NEGR1: variants seen among roughly 807,000 people sequenced by gnomAD.
NEGR1 encodes IgLON family member 4.
A neutral mutation model predicts 40.9 loss-of-function variants in NEGR1; 10 were observed. That is an observed-to-expected ratio of 0.24 (90% CI 0.15 to 0.42). NEGR1 has a LOEUF of 0.42. NEGR1 is among the 10% of genes least tolerant of loss of function. The probability of loss-of-function intolerance (pLI) is 1.00; values close to 1 mark genes in which losing one functional copy is unlikely to be tolerated. For synonymous variants in NEGR1, 185 were observed against 166.8 expected, an observed-to-expected ratio of 1.11 and a Z score of -0.84; for missense variants, 352 against 438.9, an observed-to-expected ratio of 0.80 and a Z score of 1.77.
intron 6 of NEGR1, among the ~76,000 whole-genome samples, chr1:71,582,302 T>C (rs1420407428): frequency 6.6e-6 from 1 of 152,164 alleles, no homozygotes; most frequent in Admixed American, 6.5e-5. Flanking sequence ...CAGAAAAGCA[T>C]CTTGTAATGT....
intron 1 of NEGR1, among the ~76,000 whole-genome samples, chr1:72,079,461 T>A (rs1479391321): frequency 3.3e-5 from 5 of 152,012 alleles, no homozygotes; most frequent in Non-Finnish European, 7.4e-5. Context: ...TTTTTAAAAA[T>A]AGAAAGCAGT....
At chr1:71,414,961 G>T (rs1243362675) in intron 6 of NEGR1, among the ~76,000 whole-genome samples, 1 of 152,164 alleles carries the variant, frequency 6.6e-6, no homozygotes, top group Non-Finnish European at 1.5e-5. Context: ...TTTAGGGAAA[G>T]AATGTAAAAA....
At chr1:71,728,651 T>C (rs1375089793) in intron 3 of NEGR1, among the ~76,000 whole-genome samples, 4 of 152,192 alleles carry the variant, frequency 2.6e-5, no homozygotes, top group Non-Finnish European at 5.9e-5. Flanking sequence ...TTTTAGACAA[T>C]TTTCATAAGC....
At chr1:71,746,942 T>C (rs1366872556) in intron 3 of NEGR1, among the ~76,000 whole-genome samples, 5 of 152,224 alleles carry the variant, frequency 3.3e-5, no homozygotes, top group African/African-American at 1.2e-4. Flanking sequence ...GTCTCAATTA[T>C]GTAAAAAGCT....
At chr1:71,703,948 A>C (rs1026474452) in intron 3 of NEGR1, among the ~76,000 whole-genome samples, 1 of 152,028 alleles carries the variant, frequency 6.6e-6, no homozygotes, top group African/African-American at 2.4e-5. Flanking sequence ...TAAGAGGTTA[A>C]TCATGTCAAA....
intron 1 of NEGR1, among the ~76,000 whole-genome samples, chr1:72,105,480 G>A (rs1241559919): frequency 6.6e-6 from 1 of 151,960 alleles, no homozygotes. Context: ...GAGGCAGGAG[G>A]ATTGCTTGGG....
chr1:72,077,278 A>G (rs1323623758), intron 1 of NEGR1, among the ~76,000 whole-genome samples: 3 of 152,070 alleles, frequency 2.0e-5, no homozygotes, highest in Non-Finnish European at 4.4e-5. Context: ...GATGTCATCA[A>G]TGTGTTGAAG....
chr1:71,988,464 G>A (rs981545535), intron 1 of NEGR1, among the ~76,000 whole-genome samples: 2 of 148,218 alleles, frequency 1.3e-5, no homozygotes, highest in Admixed American at 6.7e-5. Flanking sequence ...GCGTGAACCC[G>A]GGAAGCGGAG....
chr1:72,162,233 C>G (rs192278688), intron 1 of NEGR1, among the ~76,000 whole-genome samples: 1 of 151,574 alleles, frequency 6.6e-6, no homozygotes, highest in African/African-American at 2.4e-5. Flanking sequence ...GGGTGGATCA[C>G]CTGAGGTCAG....
chr1:71,646,592 G>A (rs923400537), intron 4 of NEGR1, among the ~76,000 whole-genome samples: 4 of 151,810 alleles, frequency 2.6e-5, no homozygotes, highest in African/African-American at 9.7e-5. Flanking sequence ...AAGACAATCT[G>A]TTTGAGGAAT....
intron 2 of NEGR1, among the ~76,000 whole-genome samples, chr1:71,895,015 G>C (rs914057249): frequency 6.6e-6 from 1 of 151,984 alleles, no homozygotes; most frequent in Non-Finnish European, 1.5e-5. Context: ...ATATCTATAA[G>C]CAGTCTGTAG....
intron 6 of NEGR1, among the ~76,000 whole-genome samples, chr1:71,474,717 C>CAAAAAAAAAAAA (rs56219737): frequency 1.3e-3 from 112 of 85,764 alleles, no homozygotes; most frequent in Non-Finnish European, 1.5e-3. Context: ...GACTCTATCT[C>CAAAAAAAAAAAA]AAAAAAAAAA....
At chr1:72,031,463 T>C (rs1028401715) in intron 1 of NEGR1, among the ~76,000 whole-genome samples, 6 of 152,142 alleles carry the variant, frequency 3.9e-5, no homozygotes, top group African/African-American at 1.4e-4. Context: ...ATCTTAAACA[T>C]CATCATCGTA....
chr1:71,894,535 T>G (rs1451800035), intron 2 of NEGR1, among the ~76,000 whole-genome samples: 1 of 152,210 alleles, frequency 6.6e-6, no homozygotes, highest in Non-Finnish European at 1.5e-5. Context: ...TTTCCCCATT[T>G]GACAGATAAG....
At chr1:72,250,940 A>G (rs1019992451) in intron 1 of NEGR1, among the ~76,000 whole-genome samples, 1 of 152,210 alleles carries the variant, frequency 6.6e-6, no homozygotes, top group Non-Finnish European at 1.5e-5. Context: ...TGCTCTATGT[A>G]CTACTGCCCA....
At chr1:71,443,584 G>C (rs187665170) in intron 6 of NEGR1, among the ~76,000 whole-genome samples, 1 of 152,098 alleles carries the variant, frequency 6.6e-6, no homozygotes, top group African/African-American at 2.4e-5. Flanking sequence ...ATGAATGAAT[G>C]GCTTTGTAAG....
intron 3 of NEGR1, among the ~76,000 whole-genome samples, chr1:71,706,326 T>C (rs1398407734): frequency 6.6e-6 from 1 of 152,110 alleles, no homozygotes; most frequent in Non-Finnish European, 1.5e-5. Flanking sequence ...TCCAAGTGGT[T>C]TGAATTTGAG....
chr1:72,216,893 G>A (rs1653840842), intron 1 of NEGR1, among the ~76,000 whole-genome samples: 1 of 151,194 alleles, frequency 6.6e-6, no homozygotes, highest in African/African-American at 2.4e-5. Flanking sequence ...ATATTAACCA[G>A]ACTTTCCTTT....
intron 2 of NEGR1, among the ~76,000 whole-genome samples, chr1:71,841,401 A>G (rs190522644): frequency 1.3e-4 from 20 of 152,302 alleles, no homozygotes; most frequent in South Asian, 2.1e-4. Flanking sequence ...TCGATTTACT[A>G]GTTCATTGCA....
Sources: gnomAD v4.1 joint callset for allele counts (sites outside exome capture counted in the v4.1 genomes callset) on GRCh38, gnomAD v4.1.1 for gene constraint, MANE v1.5 for transcripts, NCBI Gene and HGNC (gene_info 2026-07-23, HGNC 2026-07-21) for gene names.